TMEM254: variants seen among roughly 807,000 people sequenced by gnomAD.
TMEM254 encodes transmembrane protein C10orf57.
A neutral mutation model predicts 13.9 loss-of-function variants in TMEM254; 16 were observed. The ratio of observed to expected loss-of-function variants is 1.15; its 90% CI spans 0.78 to 1.75. TMEM254 has a LOEUF of 1.75. Ranked by LOEUF, TMEM254 falls within the 40% of genes most tolerant of loss-of-function variation. TMEM254 has a pLI of 0.00. For missense variants in TMEM254, 155 were observed against 149.0 expected, an observed-to-expected ratio of 1.04 and a Z score of -0.21; for synonymous variants, 61 against 56.4, an observed-to-expected ratio of 1.08 and a Z score of -0.36.
intron 3 of TMEM254, among the ~76,000 whole-genome samples, chr10:80,087,816 G>A (rs118170311): frequency 0.039 from 5,999 of 152,138 alleles, 170 homozygotes; most frequent in Non-Finnish European, 0.057. Flanking sequence ...ATTCTTACCT[G>A]TTTATAGGCA....
At chr10:80,079,005 G>C in intron 1 of TMEM254, 4 of 1,534,598 alleles carry the variant, frequency 2.6e-6, no homozygotes, top group Non-Finnish European at 8.8e-7. Context: ...CTGAGAAACC[G>C]GCTAGCCAGG....
At chr10:80,087,622 T>C (rs1294273163) in intron 3 of TMEM254, among the ~76,000 whole-genome samples, 1 of 152,096 alleles carries the variant, frequency 6.6e-6, no homozygotes, top group African/African-American at 2.4e-5. Flanking sequence ...CACTGCACTC[T>C]AGCCTGGGCA....
chr10:80,081,225 T>C (rs1844003871), intron 1 of TMEM254, among the ~76,000 whole-genome samples: 1 of 150,530 alleles, frequency 6.6e-6, no homozygotes, highest in African/African-American at 2.4e-5. Flanking sequence ...CACTCAAGCC[T>C]GGGTGACAAA....
At chr10:80,080,315 GACAAT>G (rs1420328217) in intron 1 of TMEM254, among the ~76,000 whole-genome samples, 1 of 152,182 alleles carries the variant, frequency 6.6e-6, no homozygotes, top group East Asian at 1.9e-4. Flanking sequence ...ATTTGAATGG[GACAAT>G]ACATTTTGAA....
At chr10:80,084,639 G>A (rs1844220622) in intron 3 of TMEM254, among the ~76,000 whole-genome samples, 1 of 152,042 alleles carries the variant, frequency 6.6e-6, no homozygotes, top group Non-Finnish European at 1.5e-5. Context: ...CTTGACTTGT[G>A]GGAAATGCCA....
rs941682227 is a variant in TMEM254 at position 80,091,906 on chromosome 10, C to CT, written c.*992dup. On this transcript the variant is annotated 3_prime_UTR_variant, in exon 4 of 4. Coordinates refer to ENST00000372281, the MANE Select transcript of TMEM254 (RefSeq NM_025125.4). ...TTTTGTGGTTTCGTTGGTGAGAAAC[C>CT]TTTATCTTTTTCATACCTTTCTATT... The CT allele has an allele frequency of 6.6e-6, 1 of 152,116 alleles. No homozygotes were observed. The highest frequency in any genetic ancestry group is 6.5e-5 in the Admixed American group (1 of 15,270). The allele number at this position is 152,116 out of a possible 1,614,324, so 9.4% of individuals were successfully genotyped here. A position where few individuals can be genotyped will look rare whatever the true frequency, so the allele number is the denominator to read the frequency against.
At chr10:80,089,136 T>G (rs1460985589) in intron 3 of TMEM254, among the ~76,000 whole-genome samples, 2 of 152,172 alleles carry the variant, frequency 1.3e-5, no homozygotes, top group Non-Finnish European at 2.9e-5. Context: ...GGTATAAAAC[T>G]GTCCAGAAAT....
chr10:80,089,246 C>A (rs1464509839), intron 3 of TMEM254, among the ~76,000 whole-genome samples: 1 of 152,094 alleles, frequency 6.6e-6, no homozygotes, highest in African/African-American at 2.4e-5. Context: ...TAGAAGTGTG[C>A]CTTGTTCTTG....
At chr10:80,090,728 G>A in intron 3 of TMEM254, 69 bp from the exon 4 acceptor site, 1 of 1,463,362 alleles carries the variant, frequency 6.8e-7, no homozygotes, top group Non-Finnish European at 9.3e-7. Context: ...TATATATATA[G>A]AAGACAATAA....
chr10:80,092,070 C>A lies in TMEM254; in HGVS notation c.*1153C>A, dbSNP rs1844592360. ...TTCACTTAGTTATACTTTATTATTG[C>A]TCACAGGCTGGGGAGGCAGAATGAC... On this transcript the variant is annotated 3_prime_UTR_variant, in exon 4 of 4. Coordinates refer to ENST00000372281, the MANE Select transcript of TMEM254 (RefSeq NM_025125.4). The A allele has an allele frequency of 6.6e-6, 1 of 152,160 alleles. No individual in the cohort carries two copies. Among genetic ancestry groups the A allele is most frequent in the Non-Finnish European group, 1.5e-5 (1 of 68,028 alleles). The allele number at this position is 152,160 out of a possible 1,614,324, so 9.4% of individuals were successfully genotyped here.
chr10:80,083,264 T>C (rs7099570), intron 3 of TMEM254, among the ~76,000 whole-genome samples: 82,930 of 151,672 alleles, frequency 0.55, 22,888 homozygotes, highest in East Asian at 0.72. Context: ...CCACCATGCC[T>C]GGCTAATTTT....
chr10:80,086,288 C>A lies in TMEM254; in HGVS notation c.251+4084C>A, dbSNP rs372271149. Reference sequence around the variant, plus strand: ...GTGAATGAGAACAAGTTATGATGACCCCAGGAAAACCCTTCTCCGGGTTAC... The same window carrying A: ...GTGAATGAGAACAAGTTATGATGACACCAGGAAAACCCTTCTCCGGGTTAC... On this transcript the variant is annotated intron_variant, in intron 3 of 3. Transcript: ENST00000372281. The A allele has an allele frequency of 2.8e-4, 412 of 1,447,048 alleles. 5 individuals carry two copies. The East Asian group carries it at 6.1e-3, about 21-fold the overall frequency. 89.6% of individuals were successfully genotyped at this position (1,447,048 alleles called of 1,614,324 possible).
In TMEM254 at chr10:80,078,764, C is replaced by T; in HGVS notation, c.65C>T (p.Thr22Ile). 6.2e-7 allele frequency: 1 copy of T among 1,608,046 alleles called. No homozygotes were observed. Among genetic ancestry groups the T allele is most frequent in the Non-Finnish European group, 8.5e-7 (1 of 1,177,504 alleles). Reference protein sequence around the residue: ...RGSLFWFTVITLSFGYYTWVV... With the variant: ...RGSLFWFTVIILSFGYYTWVV... ...AGTCTGTTCTGGTTCACAGTCATCA[C>T]CCTCAGCTTTGGCTACTACACAGTA... is the stretch of plus-strand genomic sequence containing the variant. The change falls in exon 1 of 4, where the codon ACC (threonine) becomes ATC (isoleucine). Residue 22 changes from threonine (T) to isoleucine (I), a missense_variant. Physicochemically the swap from Thr to Ile is moderately conservative, Grantham distance 89. Coordinates refer to ENST00000372281, the MANE Select transcript of TMEM254 (RefSeq NM_025125.4).
chr10:80,078,981 G>C (rs1186691005), intron 1 of TMEM254, 195 bp downstream of exon 1: 1 of 1,538,988 alleles, frequency 6.5e-7, no homozygotes, highest in Non-Finnish European at 8.8e-7. Context: ...GGTCTTGGGC[G>C]GGCGCCCAGG....
intron 3 of TMEM254, chr10:80,090,268 G>A: frequency 3.1e-6 from 2 of 648,774 alleles, no homozygotes; most frequent in South Asian, 3.5e-5. Context: ...AATATAAGCA[G>A]GTGTTTATCA....
Position 80,078,899 on chromosome 10 carries a change from G to A in TMEM254, c.87+113G>A. The A allele has an allele frequency of 2.0e-6, 3 of 1,523,714 alleles. No homozygotes were observed. The East Asian group carries it at 7.4e-5, about 38-fold the overall frequency. The allele number at this position is 1,523,714 out of a possible 1,614,324, so 94.4% of individuals were successfully genotyped here. On this transcript the variant is annotated intron_variant, in intron 1 of 3. Transcript: ENST00000372281. The stretch of plus-strand genomic sequence containing the variant: ...GGGGAAGTCGTGCAAGCACAATCCC[G>A]ACTCCCGCGCGCTAGGAGCGGAGGG...
Position 80,091,919 on chromosome 10 carries a change from A to T in TMEM254, c.*1002A>T, listed in dbSNP as rs767110817. On this transcript the variant is annotated 3_prime_UTR_variant, in exon 4 of 4. Transcript: ENST00000372281. The stretch of plus-strand genomic sequence containing the variant: ...TTGGTGAGAAACCTTTATCTTTTTC[A>T]TACCTTTCTATTCTCAATCACTTCT... 2.0e-5 allele frequency: 3 copies of T among 152,100 alleles called. No individual in the cohort carries two copies. Among genetic ancestry groups the T allele is most frequent in the Admixed American group, 6.5e-5 (1 of 15,270 alleles). The allele number at this position is 152,100 out of a possible 1,614,324, so 9.4% of individuals were successfully genotyped here.
At chr10:80,079,703 G>T in intron 1 of TMEM254, 2 of 985,752 alleles carry the variant, frequency 2.0e-6, no homozygotes, top group Non-Finnish European at 2.4e-6. Flanking sequence ...GTAGGTTGGG[G>T]GCTAAGGTGG....
In TMEM254 at chr10:80,079,297, C is replaced by T. The variant is rs910820211; in HGVS notation, c.87+511C>T. 1.2e-5 allele frequency: 14 copies of T among 1,205,538 alleles called. 1 individual carries two copies. The South Asian group carries it at 2.1e-4, about 18-fold the overall frequency. The allele number at this position is 1,205,538 out of a possible 1,614,324, so 74.7% of individuals were successfully genotyped here. A position where few individuals can be genotyped will look rare whatever the true frequency, so the allele number is the denominator to read the frequency against. On this transcript the variant is annotated intron_variant, in intron 1 of 3. Transcript: ENST00000372281. ...GCGCACGCGCATCTGACGGTTGTCT[C>T]GGTTACTCATGTAAGCGGAAATTCG...
Sources: gnomAD v4.1 joint callset for allele counts (sites outside exome capture counted in the v4.1 genomes callset) on GRCh38, gnomAD v4.1.1 for gene constraint, MANE v1.5 for transcripts, NCBI Gene and HGNC (gene_info 2026-07-23, HGNC 2026-07-21) for gene names.